TNIK: variants seen among roughly 807,000 people sequenced by gnomAD.
The protein encoded by TNIK is TRAF2 and NCK-interacting protein kinase.
Under a neutral mutation model 191.3 loss-of-function variants are expected in TNIK, and 49 were observed. That is an observed-to-expected ratio of 0.26 (90% CI 0.20 to 0.32). The LOEUF (loss-of-function observed/expected upper bound fraction) is 0.32. Ranked by LOEUF, TNIK falls within the 10% of genes least tolerant of loss-of-function variation. TNIK has a pLI of 1.00. For missense variants in TNIK, 1,155 were observed against 1,702.3 expected, an observed-to-expected ratio of 0.68 and a Z score of 5.66; for synonymous variants, 594 against 600.9, an observed-to-expected ratio of 0.99 and a Z score of 0.17.
chr3:171,307,407 C>G (rs1170397372), intron 2 of TNIK, among the ~76,000 whole-genome samples: 4 of 152,184 alleles, frequency 2.6e-5, no homozygotes, highest in Non-Finnish European at 1.5e-5. Context: ...TTCACTTACT[C>G]TAAGGGGTCA....
intron 1 of TNIK, among the ~76,000 whole-genome samples, chr3:171,423,971 A>C (rs923984195): frequency 6.6e-6 from 1 of 152,226 alleles, no homozygotes; most frequent in Non-Finnish European, 1.5e-5. Flanking sequence ...ACAAAAGCCA[A>C]AATTGACAAA....
intron 1 of TNIK, among the ~76,000 whole-genome samples, chr3:171,438,057 T>A (rs969520312): frequency 6.6e-6 from 1 of 152,252 alleles, no homozygotes; most frequent in African/African-American, 2.4e-5. Context: ...CTGCTGCACC[T>A]GCACAGTGAC....
At chr3:171,232,815 C>G (rs1024710500) in intron 2 of TNIK, among the ~76,000 whole-genome samples, 2 of 152,172 alleles carry the variant, frequency 1.3e-5, no homozygotes, top group African/African-American at 4.8e-5. Flanking sequence ...TAAAATAATT[C>G]AACATCGAGG....
At chr3:171,209,528 A>T (rs1314643280) in intron 4 of TNIK, among the ~76,000 whole-genome samples, 1 of 152,146 alleles carries the variant, frequency 6.6e-6, no homozygotes, top group African/African-American at 2.4e-5. Flanking sequence ...TTTATGGTGT[A>T]TCCCTTTGTT....
At chr3:171,253,048 G>A (rs1343329112) in intron 2 of TNIK, among the ~76,000 whole-genome samples, 4 of 151,834 alleles carry the variant, frequency 2.6e-5, no homozygotes, top group South Asian at 2.1e-4. Flanking sequence ...AGGCCGAGGC[G>A]AGTGGATCAC....
intron 17 of TNIK, among the ~76,000 whole-genome samples, chr3:171,124,564 T>C (rs767818703): frequency 3.3e-5 from 5 of 152,218 alleles, no homozygotes; most frequent in African/African-American, 4.8e-5. Context: ...AATCCTAGTA[T>C]AGAAAATTAC....
intron 14 of TNIK, 67 bp from the exon 15 acceptor site, chr3:171,138,446 C>G (rs1730342663): frequency 2.1e-6 from 3 of 1,405,614 alleles, no homozygotes; most frequent in Non-Finnish European, 2.8e-6. Context: ...TCGGCCAGTA[C>G]CAGATAAGCA....
At chr3:171,091,383 A>T (rs915107123) in intron 23 of TNIK, among the ~76,000 whole-genome samples, 1 of 152,194 alleles carries the variant, frequency 6.6e-6, no homozygotes, top group Non-Finnish European at 1.5e-5. Flanking sequence ...CTGGGTCTCC[A>T]GCTTGCATAT....
At chr3:171,173,220 T>TCCAA (rs767376024) in intron 9 of TNIK, among the ~76,000 whole-genome samples, 37 of 133,128 alleles carry the variant, frequency 2.8e-4, no homozygotes, top group Non-Finnish European at 5.1e-4. Context: ...CTGTCTCTAC[T>TCCAA]AAAAAAAAAA....
intron 3 of TNIK, among the ~76,000 whole-genome samples, chr3:171,211,795 C>T (rs1463252201): frequency 6.6e-6 from 1 of 152,138 alleles, no homozygotes; most frequent in Non-Finnish European, 1.5e-5. Flanking sequence ...GTACCCACCT[C>T]ACCTTCAGGA....
chr3:171,308,464 GAA>G (rs897130941), intron 2 of TNIK, among the ~76,000 whole-genome samples: 2 of 152,086 alleles, frequency 1.3e-5, no homozygotes, highest in African/African-American at 4.8e-5. Context: ...AATCCTTGAA[GAA>G]AACCCAGGAA....
At chr3:171,125,836 C>T (rs1384901312) in intron 17 of TNIK, 76 bp downstream of exon 17, 54 of 1,562,812 alleles carry the variant, frequency 3.5e-5, no homozygotes, top group East Asian at 3.1e-4. Flanking sequence ...TCCACTACTA[C>T]GAAAGGTCTG....
intron 2 of TNIK, among the ~76,000 whole-genome samples, chr3:171,283,616 T>C (rs1259182667): frequency 2.0e-5 from 3 of 152,184 alleles, no homozygotes; most frequent in Admixed American, 2.0e-4. Flanking sequence ...AGTGGAAATC[T>C]AATTCCATGT....
chr3:171,327,601 C>T (rs751867078), intron 2 of TNIK, among the ~76,000 whole-genome samples: 5 of 152,042 alleles, frequency 3.3e-5, no homozygotes, highest in Non-Finnish European at 7.4e-5. Context: ...CGTGGCATTG[C>T]CTGGAGGAAA....
At position 171,365,161 on chromosome 3, in the gene TNIK, C is replaced by CTTTTTTTTTTTTTTTTTTTTTTTTTT. The variant is rs60887361; in HGVS notation, c.123+4433_123+4458dup. ...AAGGACTACACAAAAGGACTACATTCTTTTTTTTTTTTTTTTTTTTTTTTT... is the reference window on the plus strand; with the variant it reads ...AAGGACTACACAAAAGGACTACATTCTTTTTTTTTTTTTTTTTTTTTTTTTTTTTTTTTTTTTTTTTTTTTTTTTTT... On this transcript the variant is annotated intron_variant, in intron 2 of 32. Coordinates refer to ENST00000436636, the MANE Select transcript of TNIK (RefSeq NM_015028.4). Among the ~76,000 whole-genome samples, 12 of 31,934 alleles carry CTTTTTTTTTTTTTTTTTTTTTTTTTT rather than the reference C, an allele frequency of 3.8e-4. 5 individuals are homozygous for CTTTTTTTTTTTTTTTTTTTTTTTTTT. The highest frequency in any genetic ancestry group is 6.5e-4 in the Non-Finnish European group (10 of 15,444). The allele number at this position is 31,934 out of a possible 152,430, so 20.9% of individuals were successfully genotyped here.
At chr3:171,223,308 T>C (rs923631908) in intron 3 of TNIK, among the ~76,000 whole-genome samples, 8 of 152,226 alleles carry the variant, frequency 5.3e-5, no homozygotes, top group African/African-American at 1.9e-4. Flanking sequence ...ATTTACACAT[T>C]CTACAGCCTT....
chr3:171,357,191 T>C (rs1559968857), intron 2 of TNIK, among the ~76,000 whole-genome samples: 1 of 152,210 alleles, frequency 6.6e-6, no homozygotes, highest in Non-Finnish European at 1.5e-5. Context: ...CTAAATATTA[T>C]ATTTTGTGTC....
chr3:171,082,028 T>A (rs1720759474), intron 27 of TNIK, among the ~76,000 whole-genome samples: 1 of 152,228 alleles, frequency 6.6e-6, no homozygotes, highest in Non-Finnish European at 1.5e-5. Flanking sequence ...CTTTGTGGTA[T>A]GTCTCTGCCT....
chr3:171,332,479 T>G (rs1365638850), intron 2 of TNIK, among the ~76,000 whole-genome samples: 1 of 152,208 alleles, frequency 6.6e-6, no homozygotes, highest in Non-Finnish European at 1.5e-5. Context: ...CAGCTCGCAG[T>G]GCCACCATTT....
Sources: allele counts gnomAD v4.1 joint callset (sites outside exome capture counted in the v4.1 genomes callset), GRCh38; gene constraint gnomAD v4.1.1; transcripts MANE v1.5; gene names NCBI Gene and HGNC (gene_info 2026-07-23, HGNC 2026-07-21).